IL16: variants seen among roughly 807,000 people sequenced by gnomAD.
The protein encoded by IL16 is interleukin 16.
A neutral mutation model predicts 110.1 loss-of-function variants in IL16; 67 were observed. That is an observed-to-expected ratio of 0.61 (90% CI 0.50 to 0.75). The LOEUF is 0.75. Among genes scored for constraint, IL16 ranks in the 30% least tolerant of loss-of-function variants. The pLI is 0.00. For missense variants in IL16, 1,545 were observed against 1,655.0 expected (o/e 0.93, Z 1.15); for synonymous variants, 689 against 662.9 (o/e 1.04, Z -0.61).
intron 5 of IL16, among the ~76,000 whole-genome samples, chr15:81,272,034 G>C (rs1208164945): frequency 6.6e-6 from 1 of 152,226 alleles, no homozygotes; most frequent in African/African-American, 2.4e-5. Context: ...TGCCTGGCAT[G>C]CTTGTACGTT....
At chr15:81,272,282 G>T (rs991022025) in intron 5 of IL16, among the ~76,000 whole-genome samples, 1 of 152,232 alleles carries the variant, frequency 6.6e-6, no homozygotes, top group African/African-American at 2.4e-5. Context: ...TTTCAGGTCT[G>T]CCAGGCCATT....
chr15:81,267,663 G>A lies in IL16; in HGVS notation c.564+1862G>A, dbSNP rs568698823. Among the ~76,000 whole-genome samples the A allele has an allele frequency of 3.3e-4, 50 of 152,292 alleles. No homozygotes were observed. The South Asian group carries it at 9.7e-3, about 30-fold the overall frequency. ...GTCTAAAGGCCTGAGAACCAGGAGA[G>A]CCAATGGTGTGGTTCCCATCCAAAG... On this transcript the variant is annotated intron_variant, in intron 4 of 18. Transcript: ENST00000683961.
At chr15:81,183,293 G>T (rs1218033594) in intron 1 of IL16, among the ~76,000 whole-genome samples, 3 of 152,172 alleles carry the variant, frequency 2.0e-5, no homozygotes, top group African/African-American at 7.2e-5. Context: ...GTCCCCACCA[G>T]TTCCGCTCCA....
chr15:81,247,075 CCTT>C (rs1567016899), intron 2 of IL16, among the ~76,000 whole-genome samples: 6,798 of 109,316 alleles, frequency 0.062, 564 homozygotes, highest in African/African-American at 0.22. Flanking sequence ...CTTTTCTTTT[CCTT>C]TTTTTTTTTT....
chr15:81,273,056 A>G (rs1898717481), intron 5 of IL16, 34 bp from the exon 6 acceptor site: 2 of 1,535,574 alleles, frequency 1.3e-6, no homozygotes, highest in South Asian at 2.2e-5. Flanking sequence ...ATGGAATACT[A>G]CCCCTAAATC....
intron 1 of IL16, among the ~76,000 whole-genome samples, chr15:81,186,641 A>C (rs1251050498): frequency 2.6e-5 from 4 of 152,210 alleles, no homozygotes; most frequent in African/African-American, 9.6e-5. Flanking sequence ...TTTCAATTTT[A>C]TGTTTTCCAA....
chr15:81,291,119 T>G (rs1298016072), intron 11 of IL16, among the ~76,000 whole-genome samples: 1 of 152,242 alleles, frequency 6.6e-6, no homozygotes, highest in Non-Finnish European at 1.5e-5. Flanking sequence ...CTCCCATGCC[T>G]AGCCATTGGG....
chr15:81,197,573 C>T (rs1054995529), intron 1 of IL16, among the ~76,000 whole-genome samples: 1 of 152,128 alleles, frequency 6.6e-6, no homozygotes, highest in Non-Finnish European at 1.5e-5. Flanking sequence ...TGGCCAGACT[C>T]CTTTTCTCCA....
intron 18 of IL16, among the ~76,000 whole-genome samples, chr15:81,307,073 T>C (rs1349677876): frequency 6.6e-6 from 1 of 152,208 alleles, no homozygotes; most frequent in Non-Finnish European, 1.5e-5. Flanking sequence ...ATTTTGTTCA[T>C]CAGGGATTGG....
chr15:81,298,245 G>T (rs957511834), intron 13 of IL16, among the ~76,000 whole-genome samples: 1 of 152,198 alleles, frequency 6.6e-6, no homozygotes, highest in Admixed American at 6.5e-5. Context: ...TATCATCAAG[G>T]TGTAATGCTC....
chr15:81,188,264 G>A (rs964156517), intron 1 of IL16: 15 of 452,268 alleles, frequency 3.3e-5, no homozygotes, highest in African/African-American at 1.8e-4. Context: ...CGTCTGAATC[G>A]CTATGTTGTT....
At chr15:81,215,783 C>T (rs1896405755) in intron 1 of IL16, among the ~76,000 whole-genome samples, 2 of 152,234 alleles carry the variant, frequency 1.3e-5, no homozygotes, top group African/African-American at 4.8e-5. Context: ...GATCCTCCCT[C>T]ACTCAAGTGC....
In IL16 at chr15:81,292,703, G is replaced by T. The variant is rs1349003154; in HGVS notation, c.1568G>T (p.Gly523Val). 6 of 1,614,034 alleles carry T rather than the reference G, an allele frequency of 3.7e-6. No individual in the cohort carries two copies. In the African/African-American group the frequency reaches 8.0e-5, roughly 22 times the overall value. ...DSSYMSGSPG[G>V]SPGSGSAEKP... Reference sequence around the variant, plus strand: ...AGCTACATGTCTGGGTCCCCAGGGGGAAGTCCTGGGAGTGGCAGTGCTGAG... The same window carrying T: ...AGCTACATGTCTGGGTCCCCAGGGGTAAGTCCTGGGAGTGGCAGTGCTGAG... The change falls in exon 12 of 19, where the codon GGA becomes GTA. Residue 523 changes from glycine to valine, a missense_variant. This residue lies in a region of IL16 where 1,185 missense variants were observed against 1,238.8 expected (regional missense o/e 0.96). Coordinates refer to ENST00000683961, the MANE Select transcript of IL16 (RefSeq NM_172217.5).
chr15:81,264,088 G>A (rs956872646), intron 3 of IL16, among the ~76,000 whole-genome samples: 1 of 152,124 alleles, frequency 6.6e-6, no homozygotes, highest in Non-Finnish European at 1.5e-5. Context: ...TAAACACTCC[G>A]GATAAATATA....
intron 2 of IL16, among the ~76,000 whole-genome samples, chr15:81,253,807 G>C (rs184605518): frequency 2.2e-4 from 33 of 152,348 alleles, no homozygotes; most frequent in African/African-American, 7.9e-4. Context: ...TTGGCAGTGG[G>C]AATGGGTGTG....
chr15:81,223,503 C>T (rs922528773), intron 1 of IL16, among the ~76,000 whole-genome samples: 11 of 152,154 alleles, frequency 7.2e-5, no homozygotes, highest in African/African-American at 7.2e-5. Context: ...GCTTAAGAGC[C>T]AGATTGCCTG....
chr15:81,253,542 C>T (rs1406519170), intron 2 of IL16, among the ~76,000 whole-genome samples: 4 of 152,108 alleles, frequency 2.6e-5, no homozygotes, highest in Non-Finnish European at 5.9e-5. Flanking sequence ...CTCTCCCTAA[C>T]CCAACCCAAG....
At chr15:81,200,810 ATC>A (rs1167843084) in intron 1 of IL16, among the ~76,000 whole-genome samples, 1 of 152,220 alleles carries the variant, frequency 6.6e-6, no homozygotes, top group Non-Finnish European at 1.5e-5. Flanking sequence ...TCTTCCCATT[ATC>A]CAAGGCAAGG....
At chr15:81,209,285 G>A (rs1255177034) in intron 1 of IL16, among the ~76,000 whole-genome samples, 1 of 152,140 alleles carries the variant, frequency 6.6e-6, no homozygotes, top group Non-Finnish European at 1.5e-5. Context: ...GTGTGGGGAG[G>A]GGCGTCCTGG....
Sources: gnomAD v4.1 joint callset for allele counts (sites outside exome capture counted in the v4.1 genomes callset) on GRCh38, gnomAD v4.1.1 for gene constraint, gnomAD v4.1.1 regional missense constraint, MANE v1.5 for transcripts, NCBI Gene and HGNC (gene_info 2026-07-23, HGNC 2026-07-21) for gene names.